Variants in TCF3 observed in about 807,000 individuals in gnomAD.
TCF3 encodes the protein transcription factor 3.
A neutral mutation model predicts 72.3 loss-of-function variants in TCF3; 54 were observed. That is an observed-to-expected ratio of 0.75 (90% confidence interval 0.60 to 0.94). The LOEUF (loss-of-function observed/expected upper bound fraction) is 0.94, where lower values mean the gene tolerates loss of function less well. Ranked by LOEUF, TCF3 falls within the 40% of genes least tolerant of loss-of-function variation. TCF3 has a pLI of 0.00. For missense variants in TCF3, 1,078 were observed against 934.4 expected, an observed-to-expected ratio of 1.15 and a Z score of -2.00; for synonymous variants, 525 against 412.6, an observed-to-expected ratio of 1.27 and a Z score of -3.30.
At position 1,621,000 on chromosome 19, in the gene TCF3, G is replaced by C. The variant is rs1245865079; in HGVS notation, c.1061C>G (p.Ser354Cys). 2 of 1,519,006 alleles carry C rather than the reference G, an allele frequency of 1.3e-6. No homozygotes were observed. Among genetic ancestry groups the C allele is most frequent in the South Asian group, 1.3e-5 (1 of 78,390 alleles). The allele number at this position is 1,519,006 out of a possible 1,614,324, so 94.1% of individuals were successfully genotyped here. ...HSSNNFSSSP[S>C]TPVGSPQGLA... is the part of the protein sequence containing the mutation. ...GCCCTGGGGGGAGCCCACGGGGGTA[G>C]AAGGGCTGGACGAGAAGTTATTGCT... The change falls in exon 13 of 19, where the codon TCT (serine) becomes TGT (cysteine). Residue 354 changes from serine (S) to cysteine (C), a missense_variant. Ser to Cys is a moderately radical substitution (Grantham distance 112). Coordinates refer to ENST00000262965, the MANE Select transcript of TCF3 (RefSeq NM_003200.5).
intron 11 of TCF3, 21 bp from the exon 12 acceptor site, chr19:1,621,212 G>A: frequency 6.5e-7 from 1 of 1,532,200 alleles, no homozygotes. Flanking sequence ...AGAGAGGTGA[G>A]GCCCACGCAG....
At chr19:1,635,352 G>A (rs1415196253) in intron 3 of TCF3, among the ~76,000 whole-genome samples, 2 of 152,196 alleles carry the variant, frequency 1.3e-5, no homozygotes, top group Non-Finnish European at 2.9e-5. Context: ...GACATCCTCA[G>A]GCAGCCGGAT....
chr19:1,625,505 G>A (rs1158685360), intron 7 of TCF3, 71 bp downstream of exon 7: 25 of 1,461,210 alleles, frequency 1.7e-5, no homozygotes, highest in South Asian at 4.3e-5. Flanking sequence ...CTCAGCTAAC[G>A]GGAAGCCTCC....
chr19:1,612,788 T>C (rs1376013380), intron 18 of TCF3, among the ~76,000 whole-genome samples: 1 of 150,464 alleles, frequency 6.6e-6, no homozygotes, highest in African/African-American at 2.5e-5. Flanking sequence ...ACACGGCTGG[T>C]GTTGGTGTGG....
Position 1,615,546 on chromosome 19 carries a change from CCAGAGGGAGA to C in TCF3, c.1587-36_1587-27del, listed in dbSNP as rs1288882001. ...CTATGGGGAGGGCGCCGGGAGGGGG[CCAGAGGGAGA>C]CAGTGAGGTTGGGGGAAGAGCGTGG... On this transcript the variant is annotated intron_variant, in intron 17 of 18. Coordinates refer to ENST00000262965, the MANE Select transcript of TCF3 (RefSeq NM_003200.5). The surrounding 1 kb of genome is among the most constrained non-coding windows in gnomAD (Gnocchi z 7.3). 5.2e-5 allele frequency: 83 copies of C among 1,604,736 alleles called. No homozygotes were observed. Among genetic ancestry groups the C allele is most frequent in the Non-Finnish European group, 6.6e-5 (78 of 1,179,760 alleles).
At position 1,652,313 on chromosome 19, in the gene TCF3, CCGGGCACGCGGCGCGTGGGGGGGGG is replaced by C. The variant is rs1480500951; in HGVS notation, c.-78_-54del. 1 of 144,714 alleles carries C rather than the reference CCGGGCACGCGGCGCGTGGGGGGGGG, an allele frequency of 6.9e-6. No homozygotes were observed. 9.0% of individuals were successfully genotyped at this position (144,714 alleles called of 1,614,324 possible). A position where few individuals can be genotyped will look rare whatever the true frequency, so the allele number is the denominator to read the frequency against. On this transcript the variant is annotated 5_prime_UTR_variant, in exon 1 of 19. An upstream open reading frame in the 5' UTR loses its in-frame stop. Transcript: ENST00000262965. Reference sequence around the variant, plus strand: ...CGCCGGGCTCACCTGCTGGGCGCGGCCGGGCACGCGGCGCGTGGGGGGGGGCGGCGGCATGAAGCGGGGGGGCCCC... The same window carrying C: ...CGCCGGGCTCACCTGCTGGGCGCGGCCGGCGGCATGAAGCGGGGGGGCCCC...
At chr19:1,630,690 G>A (rs910449337) in intron 5 of TCF3, among the ~76,000 whole-genome samples, 30 of 152,202 alleles carry the variant, frequency 2.0e-4, no homozygotes, top group Non-Finnish European at 3.2e-4. Flanking sequence ...GAAGGATCCC[G>A]CATCCCAGGA....
chr19:1,650,937 C>G (rs953309631), intron 1 of TCF3: 6 of 229,660 alleles, frequency 2.6e-5, no homozygotes, highest in Non-Finnish European at 5.2e-5. Context: ...TCCCTCCCCC[C>G]AAGAAAACCC....
At chr19:1,641,686 CA>C in intron 3 of TCF3, among the ~76,000 whole-genome samples, 1 of 152,006 alleles carries the variant, frequency 6.6e-6, no homozygotes, top group Admixed American at 6.6e-5. Context: ...CTCCTGGCCT[CA>C]TGTGATCCAC....
intron 2 of TCF3, among the ~76,000 whole-genome samples, 174 bp downstream of exon 2, chr19:1,650,003 C>T (rs1028549620): frequency 1.3e-5 from 2 of 152,162 alleles, no homozygotes; most frequent in Non-Finnish European, 2.9e-5. Context: ...TGCTGCCGTG[C>T]GCTGTCAGCC....
intron 2 of TCF3, among the ~76,000 whole-genome samples, chr19:1,649,805 T>A (rs1323906207): frequency 6.6e-6 from 1 of 152,206 alleles, no homozygotes; most frequent in Non-Finnish European, 1.5e-5. Context: ...TTACTTTTAA[T>A]TTTTGTATCT....
chr19:1,619,724 G>T, intron 14 of TCF3, 56 bp downstream of exon 14: 1 of 1,257,386 alleles, frequency 8.0e-7, no homozygotes, highest in Non-Finnish European at 1.1e-6. Context: ...CTCAAGGAGC[G>T]TCTGTCCTGC....
At chr19:1,646,573 GC>G (rs1266727308) in intron 2 of TCF3, 146 bp from the exon 3 acceptor site, 1 of 689,528 alleles carries the variant, frequency 1.5e-6, no homozygotes, top group African/African-American at 1.8e-5. Flanking sequence ...GTCCTGCTCC[GC>G]CCCATCACAG....
chr19:1,644,862 G>T (rs556218889), intron 3 of TCF3, among the ~76,000 whole-genome samples: 1 of 152,066 alleles, frequency 6.6e-6, no homozygotes, highest in African/African-American at 2.4e-5. Context: ...GGAGAATGGG[G>T]GTGGACGGCC....
chr19:1,652,488 C>A lies in TCF3; in HGVS notation c.-228G>T, dbSNP rs968736380. The A allele has an allele frequency of 6.9e-6, 1 of 143,950 alleles. No homozygotes were observed. Among genetic ancestry groups the A allele is most frequent in the Non-Finnish European group, 1.5e-5 (1 of 64,862 alleles). The allele number at this position is 143,950 out of a possible 1,614,324, so 8.9% of individuals were successfully genotyped here. Reference sequence around the variant, plus strand: ...CGTCCCGCGGGGCCCGTGCGCGCGGCCGGCCGGGGCGCCCCTGGGGCAGCG... The same window carrying A: ...CGTCCCGCGGGGCCCGTGCGCGCGGACGGCCGGGGCGCCCCTGGGGCAGCG... On this transcript the variant is annotated 5_prime_UTR_variant, in exon 1 of 19. Transcript: ENST00000262965.
chr19:1,634,375 G>A (rs1212030425), intron 3 of TCF3, among the ~76,000 whole-genome samples: 2 of 152,208 alleles, frequency 1.3e-5, no homozygotes. Context: ...AGTTTTACCC[G>A]GGAAGGGCAC....
intron 11 of TCF3, 84 bp downstream of exon 11, chr19:1,621,741 CCTGCGCCTCCCGT>C: frequency 7.0e-7 from 1 of 1,423,490 alleles, no homozygotes; most frequent in Non-Finnish European, 9.2e-7. Context: ...AGCAGACGCG[CCTGCGCCTCCCGT>C]GGAGTCCTCG....
intron 6 of TCF3, 118 bp downstream of exon 6, chr19:1,627,241 C>T (rs545908279): frequency 7.9e-5 from 24 of 304,382 alleles, no homozygotes; most frequent in African/African-American, 4.7e-4. Flanking sequence ...AGCCTGGTTT[C>T]GCTATCAGGA....
Position 1,613,483 on chromosome 19 carries a change from G to GCCTGCT in TCF3, c.1823-1640_1823-1635dup, listed in dbSNP as rs2061244716. ...GGGCTGGGGGCAGGGGAGGCCCAGT[G>GCCTGCT]CCTGCTCCTCTCTTTGTTCTTCCCT... On this transcript the variant is annotated intron_variant, in intron 18 of 18. Transcript: ENST00000262965. Among the ~76,000 whole-genome samples the GCCTGCT allele has an allele frequency of 2.0e-5, 3 of 152,166 alleles. No individual in the cohort carries two copies. In the South Asian group the frequency reaches 6.2e-4, roughly 32 times the overall value.
Sources: allele counts gnomAD v4.1 joint callset (sites outside exome capture counted in the v4.1 genomes callset), GRCh38; gene constraint gnomAD v4.1.1; non-coding constraint Gnocchi (gnomAD v3.1); transcripts MANE v1.5; gene names NCBI Gene and HGNC (gene_info 2026-07-23, HGNC 2026-07-21).